Variants in RAPGEF5 observed in about 807,000 individuals in gnomAD.
RAPGEF5 encodes the protein Rap guanine nucleotide exchange factor 5.
In RAPGEF5, 65 loss-of-function variants were observed where a neutral mutation model predicts 125.2. That is an observed-to-expected ratio of 0.52 (90% confidence interval 0.43 to 0.64). RAPGEF5 has a LOEUF of 0.64. Among genes scored for constraint, RAPGEF5 ranks in the 30% least tolerant of loss-of-function variants. RAPGEF5 has a pLI of 0.00. For missense variants in RAPGEF5, 958 were observed against 1,048.1 expected (o/e 0.91, Z 1.19); for synonymous variants, 391 against 385.9 (o/e 1.01, Z -0.16).
At chr7:22,278,532 A>G (rs1162928413) in intron 6 of RAPGEF5, among the ~76,000 whole-genome samples, 1 of 152,018 alleles carries the variant, frequency 6.6e-6, no homozygotes, top group Non-Finnish European at 1.5e-5. Flanking sequence ...CCCCAGTCCC[A>G]GTGTCCAAAG....
intron 1 of RAPGEF5, among the ~76,000 whole-genome samples, chr7:22,344,061 C>T (rs1054457645): frequency 6.6e-6 from 1 of 152,148 alleles, no homozygotes; most frequent in Non-Finnish European, 1.5e-5. Flanking sequence ...TAGCTTCTAA[C>T]CAGAGGTCCA....
At chr7:22,239,846 G>C (rs1357460015) in intron 7 of RAPGEF5, among the ~76,000 whole-genome samples, 8 of 152,082 alleles carry the variant, frequency 5.3e-5, no homozygotes, top group African/African-American at 1.9e-4. Flanking sequence ...GGGTAATACA[G>C]AGGTAATCAG....
chr7:22,250,942 C>T (rs920066000), intron 7 of RAPGEF5, among the ~76,000 whole-genome samples: 2 of 152,052 alleles, frequency 1.3e-5, no homozygotes, highest in African/African-American at 4.8e-5. Context: ...GGAACACACC[C>T]AGTGTAGGAG....
intron 8 of RAPGEF5, among the ~76,000 whole-genome samples, chr7:22,228,600 C>T (rs1181777969): frequency 4.6e-5 from 7 of 152,024 alleles, no homozygotes; most frequent in African/African-American, 1.5e-4. Context: ...CTCCGCCTCC[C>T]GGGTTCAAAT....
intron 13 of RAPGEF5, among the ~76,000 whole-genome samples, chr7:22,161,781 C>G (rs1784009089): frequency 6.6e-6 from 1 of 152,224 alleles, no homozygotes; most frequent in South Asian, 2.1e-4. Context: ...AACTAGAACT[C>G]TTCCTTGCTA....
At chr7:22,127,650 T>A (rs1398754548) in intron 24 of RAPGEF5, among the ~76,000 whole-genome samples, 1 of 152,242 alleles carries the variant, frequency 6.6e-6, no homozygotes, top group Non-Finnish European at 1.5e-5. Flanking sequence ...CATCCTATTA[T>A]TCAAGAATTA....
intron 7 of RAPGEF5, among the ~76,000 whole-genome samples, chr7:22,252,759 T>C (rs1786656509): frequency 6.6e-6 from 1 of 152,180 alleles, no homozygotes; most frequent in African/African-American, 2.4e-5. Context: ...TTAAAGGCAA[T>C]TTTCTTTGTA....
At chr7:22,238,374 A>G (rs537935623) in intron 7 of RAPGEF5, among the ~76,000 whole-genome samples, 2 of 152,274 alleles carry the variant, frequency 1.3e-5, no homozygotes, top group South Asian at 4.1e-4. Context: ...AGTTGTGTTT[A>G]TTTTCTGACA....
At chr7:22,333,377 A>G (rs1429879143) in intron 1 of RAPGEF5, among the ~76,000 whole-genome samples, 2 of 152,124 alleles carry the variant, frequency 1.3e-5, no homozygotes, top group African/African-American at 4.8e-5. Flanking sequence ...TGTTTTTTTA[A>G]GTAAAGCTTC....
At chr7:22,180,238 A>G (rs963843466) in intron 11 of RAPGEF5, among the ~76,000 whole-genome samples, 2 of 152,194 alleles carry the variant, frequency 1.3e-5, no homozygotes, top group Non-Finnish European at 2.9e-5. Flanking sequence ...ATTACATGCC[A>G]TTTGCCCCTT....
At position 22,120,416 on chromosome 7, in the gene RAPGEF5, A is replaced by G. The variant is rs1426042817; in HGVS notation, c.*1990T>C. ...GTTCTACTAGGAGCAATGTAGTTCT[A>G]ATGTAAATAAAAATCCAAATTTTGA... On this transcript the variant is annotated 3_prime_UTR_variant, in exon 26 of 26. Coordinates refer to ENST00000665637, the MANE Select transcript of RAPGEF5 (RefSeq NM_012294.5). This position sits in a 1 kb window ranked among gnomAD's most constrained non-coding sequence, Gnocchi z 4.0. The G allele has an allele frequency of 1.3e-5, 2 of 152,660 alleles. No homozygotes were observed. Among genetic ancestry groups the G allele is most frequent in the Non-Finnish European group, 2.9e-5 (2 of 68,048 alleles). 9.5% of individuals were successfully genotyped at this position (152,660 alleles called of 1,614,324 possible). A position where few individuals can be genotyped will look rare whatever the true frequency, so the allele number is the denominator to read the frequency against.
chr7:22,153,360 A>G (rs1008902418), intron 17 of RAPGEF5, among the ~76,000 whole-genome samples: 1 of 152,218 alleles, frequency 6.6e-6, no homozygotes, highest in Non-Finnish European at 1.5e-5. Flanking sequence ...TATTATTAAA[A>G]ATCGAACCAC....
chr7:22,338,916 A>G (rs907566691), intron 1 of RAPGEF5, among the ~76,000 whole-genome samples: 1 of 152,160 alleles, frequency 6.6e-6, no homozygotes, highest in Non-Finnish European at 1.5e-5. Context: ...ACTGTCTCTA[A>G]AATAATAATT....
chr7:22,169,981 A>G (rs1784300481), intron 11 of RAPGEF5, among the ~76,000 whole-genome samples: 1 of 150,572 alleles, frequency 6.6e-6, no homozygotes, highest in Non-Finnish European at 1.5e-5. Context: ...ACTGCACTTT[A>G]GCCTGGGCGA....
intron 7 of RAPGEF5, 39 bp downstream of exon 7, chr7:22,266,925 A>G (rs1311718285): frequency 6.4e-7 from 1 of 1,565,970 alleles, no homozygotes; most frequent in Non-Finnish European, 8.8e-7. Context: ...ACCCCCAAAG[A>G]ATTAGAATCT....
At chr7:22,184,959 T>A (rs1460405289) in intron 11 of RAPGEF5, among the ~76,000 whole-genome samples, 3 of 152,058 alleles carry the variant, frequency 2.0e-5, no homozygotes, top group African/African-American at 7.2e-5. Flanking sequence ...CTCAACCTTT[T>A]TGAAGCAGTT....
intron 7 of RAPGEF5, among the ~76,000 whole-genome samples, chr7:22,237,368 T>C (rs919765380): frequency 6.6e-6 from 1 of 151,416 alleles, no homozygotes; most frequent in Admixed American, 6.6e-5. Flanking sequence ...TGCTGTTTTT[T>C]TTTTTTTGGA....
chr7:22,131,774 C>A (rs1049006626), intron 23 of RAPGEF5, among the ~76,000 whole-genome samples: 8 of 152,140 alleles, frequency 5.3e-5, no homozygotes, highest in Non-Finnish European at 1.2e-4. Flanking sequence ...GTTTGAGGCT[C>A]ACTGCATTTA....
rs571015583 is a variant in RAPGEF5 at position 22,307,700 on chromosome 7, T to C, written c.680+639A>G. ...CATAGAAGTGAAAGAGTCAACAATA[T>C]GGGAAAGCATTCTGGACACTGAAGT... is the stretch of plus-strand genomic sequence containing the variant. On this transcript the variant is annotated intron_variant, in intron 5 of 25. Transcript: ENST00000665637. Among the ~76,000 whole-genome samples the C allele has an allele frequency of 2.6e-5, 4 of 152,262 alleles. No individual in the cohort carries two copies. The East Asian group carries it at 7.7e-4, about 29-fold the overall frequency.
Sources: allele counts gnomAD v4.1 joint callset (sites outside exome capture counted in the v4.1 genomes callset), GRCh38; gene constraint gnomAD v4.1.1; non-coding constraint Gnocchi (gnomAD v3.1); transcripts MANE v1.5; gene names NCBI Gene and HGNC (gene_info 2026-07-23, HGNC 2026-07-21).